The following CPA3 variants were observed in gnomAD, a reference collection of about 807,000 sequenced individuals.
CPA3 encodes carboxypeptidase A3, also known as mast cell carboxypeptidase A.
Under a neutral mutation model 55.8 loss-of-function variants are expected in CPA3, and 52 were observed. That is an observed-to-expected ratio of 0.93 (90% CI 0.75 to 1.17). The LOEUF is 1.17. Ranked by LOEUF, CPA3 falls within the 50% of genes most tolerant of loss-of-function variation. The pLI is 0.00. For synonymous variants in CPA3, 179 were observed against 171.2 expected, an observed-to-expected ratio of 1.05 and a Z score of -0.36; for missense variants, 547 against 509.1, an observed-to-expected ratio of 1.07 and a Z score of -0.72.
chr3:148,870,421 A>G (rs565879281), intron 3 of CPA3, among the ~76,000 whole-genome samples: 15 of 152,298 alleles, frequency 9.8e-5, no homozygotes, highest in Non-Finnish European at 1.8e-4. Context: ...GATTTTATTT[A>G]TGATATTGCC....
chr3:148,893,755 A>G (rs1714739091), intron 10 of CPA3, among the ~76,000 whole-genome samples: 3 of 152,212 alleles, frequency 2.0e-5, no homozygotes, highest in Non-Finnish European at 4.4e-5. Flanking sequence ...AAAACTAGAC[A>G]AAGAAACAAG....
chr3:148,886,800 G>C (rs115012644), intron 10 of CPA3, among the ~76,000 whole-genome samples: 3 of 152,122 alleles, frequency 2.0e-5, no homozygotes, highest in Non-Finnish European at 4.4e-5. Flanking sequence ...ATGTAAGTAT[G>C]GTCTTTTCCC....
chr3:148,865,399 A>G, intron 1 of CPA3, 24 bp downstream of exon 1: 2 of 1,613,688 alleles, frequency 1.2e-6, no homozygotes, highest in Non-Finnish European at 1.7e-6. Flanking sequence ...CCTGTGTTCC[A>G]GTCTCTGTGT....
chr3:148,873,528 C>T (rs1384476263), intron 3 of CPA3, among the ~76,000 whole-genome samples: 3 of 152,296 alleles, frequency 2.0e-5, no homozygotes, highest in Non-Finnish European at 2.9e-5. Context: ...TTCTCTGAAC[C>T]TCTTACTTGC....
chr3:148,893,217 G>A, intron 10 of CPA3, among the ~76,000 whole-genome samples: 1 of 151,378 alleles, frequency 6.6e-6, no homozygotes. Flanking sequence ...TCAAACATTG[G>A]AAAAGAATTT....
At chr3:148,871,500 C>T (rs1226529644) in intron 3 of CPA3, among the ~76,000 whole-genome samples, 1 of 152,190 alleles carries the variant, frequency 6.6e-6, no homozygotes, top group Non-Finnish European at 1.5e-5. Context: ...CCTAGGCAGG[C>T]AGCTAGCATC....
chr3:148,894,670 T>C (rs1007584423), intron 10 of CPA3, among the ~76,000 whole-genome samples: 4 of 151,972 alleles, frequency 2.6e-5, no homozygotes, highest in Non-Finnish European at 5.9e-5. Flanking sequence ...ATAGGAAGAA[T>C]AGCTACATTA....
At chr3:148,889,558 G>C (rs1576585025) in intron 10 of CPA3, among the ~76,000 whole-genome samples, 1 of 152,110 alleles carries the variant, frequency 6.6e-6, no homozygotes, top group Non-Finnish European at 1.5e-5. Flanking sequence ...TGGTTCTCAA[G>C]CCTGACTTCC....
intron 3 of CPA3, among the ~76,000 whole-genome samples, chr3:148,875,435 T>C (rs1714178055): frequency 6.6e-6 from 1 of 152,232 alleles, no homozygotes; most frequent in Admixed American, 6.5e-5. Context: ...AAATAGAGTA[T>C]ATTGAATATG....
At chr3:148,893,552 A>G (rs1204680257) in intron 10 of CPA3, among the ~76,000 whole-genome samples, 1 of 152,176 alleles carries the variant, frequency 6.6e-6, no homozygotes, top group African/African-American at 2.4e-5. Context: ...AATATCCAAC[A>G]TTCATGTCAT....
At chr3:148,876,533 C>G (rs935578900) in intron 3 of CPA3, among the ~76,000 whole-genome samples, 2 of 152,044 alleles carry the variant, frequency 1.3e-5, no homozygotes, top group African/African-American at 2.4e-5. Flanking sequence ...CCCACTACCA[C>G]ACCTGGCTAA....
chr3:148,875,445 G>C (rs1001608499), intron 3 of CPA3, among the ~76,000 whole-genome samples: 1 of 152,006 alleles, frequency 6.6e-6, no homozygotes, highest in Non-Finnish European at 1.5e-5. Flanking sequence ...TATTGAATAT[G>C]GTTTACCTTT....
intron 3 of CPA3, among the ~76,000 whole-genome samples, chr3:148,874,002 G>C (rs1714141883): frequency 6.6e-6 from 1 of 152,166 alleles, no homozygotes; most frequent in Non-Finnish European, 1.5e-5. Flanking sequence ...TTGAGAAAAA[G>C]TAATTTGGTT....
chr3:148,875,071 T>C (rs928533178), intron 3 of CPA3, among the ~76,000 whole-genome samples: 3 of 152,176 alleles, frequency 2.0e-5, no homozygotes, highest in African/African-American at 7.2e-5. Flanking sequence ...TCGTATTATG[T>C]AGCTGAACTG....
At chr3:148,881,483 C>A in intron 6 of CPA3, 39 bp from the exon 7 acceptor site, 2 of 1,299,904 alleles carry the variant, frequency 1.5e-6, no homozygotes, top group South Asian at 1.2e-5. Flanking sequence ...AATAGCTAAA[C>A]TTCATACCAA....
At chr3:148,886,219 A>AT (rs1714524530) in intron 10 of CPA3, 42 bp downstream of exon 10, 1 of 1,373,100 alleles carries the variant, frequency 7.3e-7, no homozygotes, top group African/African-American at 1.5e-5. Flanking sequence ...TTCCCTAATT[A>AT]TTTTTTACAA....
chr3:148,881,611 A>G lies in CPA3; in HGVS notation c.666A>G (p.Gly222=). Residue 222 remains glycine, a synonymous_variant, in exon 7 of 11, where the codon GGA becomes GGG. Transcript: ENST00000296046. ...TTCTTCCTGTGTTCAATGTTGATGG[A>G]TATATTTGGTCATGGACAAAGGTAC... is the stretch of plus-strand genomic sequence containing the variant. ...FYILPVFNVD[G]YIWSWTKNRM... is the part of the protein sequence containing the mutation. 1 of 1,610,520 alleles carries G rather than the reference A, an allele frequency of 6.2e-7. No individual in the cohort carries two copies.
intron 5 of CPA3, 115 bp downstream of exon 5, chr3:148,878,863 A>C (rs1714284881): frequency 3.1e-6 from 2 of 642,950 alleles, no homozygotes; most frequent in Non-Finnish European, 5.3e-6. Flanking sequence ...TCTCTGAAAG[A>C]ATATTTAAGC....
chr3:148,883,983 T>C (rs73016139), intron 9 of CPA3, among the ~76,000 whole-genome samples, 168 bp downstream of exon 9: 8,838 of 152,238 alleles, frequency 0.058, 886 homozygotes, highest in African/African-American at 0.2. Context: ...TGATTTTTCA[T>C]TGATAAAAGT....
Sources: allele counts gnomAD v4.1 joint callset (sites outside exome capture counted in the v4.1 genomes callset), GRCh38; gene constraint gnomAD v4.1.1; transcripts MANE v1.5; gene names NCBI Gene and HGNC (gene_info 2026-07-23, HGNC 2026-07-21).